Variants in GDAP1 observed in about 807,000 individuals in gnomAD.
The protein encoded by GDAP1 is ganglioside-induced differentiation-associated protein 1.
A neutral mutation model predicts 40.1 loss-of-function variants in GDAP1; 34 were observed. The ratio of observed to expected loss-of-function variants is 0.85; its 90% CI spans 0.64 to 1.13. GDAP1 has a LOEUF of 1.13. Ranked by LOEUF, GDAP1 falls within the 50% of genes most tolerant of loss-of-function variation. The probability of loss-of-function intolerance (pLI) is 0.00; values close to 1 mark genes in which losing one functional copy is unlikely to be tolerated. For synonymous variants in GDAP1, 170 were observed against 157.4 expected (o/e 1.08, Z -0.60); for missense variants, 374 against 433.7 (o/e 0.86, Z 1.22).
At chr8:74,474,609 A>G (rs1051524499) in intron 2 of GDAP1, among the ~76,000 whole-genome samples, 1 of 152,146 alleles carries the variant, frequency 6.6e-6, no homozygotes, top group South Asian at 2.1e-4. Context: ...TGATTTGTGT[A>G]TGTTGCACCA....
In GDAP1 at chr8:74,472,705, C is replaced by CTTTCTTTTCTTTTCT. The variant is rs142771587; in HGVS notation, c.166-15929_166-15915dup. ...AATGATCAGTGATATCGATATTGAGCTTTCTTTTCTTTTCTTTTCTTTTCT... is the reference window on the plus strand; with the variant it reads ...AATGATCAGTGATATCGATATTGAGCTTTCTTTTCTTTTCTTTTCTTTTCTTTTCTTTTCTTTTCT... On this transcript the variant is annotated intron_variant, in intron 2 of 2. Transcript: ENST00000523640. Among the ~76,000 whole-genome samples, 1,408 of 144,636 alleles carry CTTTCTTTTCTTTTCT rather than the reference C, an allele frequency of 9.7e-3. 31 individuals carry two copies. Among genetic ancestry groups the CTTTCTTTTCTTTTCT allele is most frequent in the South Asian group, 0.032 (138 of 4,376 alleles). 94.9% of individuals were successfully genotyped at this position (144,636 alleles called of 152,430 possible). A position where few individuals can be genotyped will look rare whatever the true frequency, so the allele number is the denominator to read the frequency against.
chr8:74,379,077 C>T (rs1372858371), intron 2 of GDAP1, among the ~76,000 whole-genome samples: 1 of 150,358 alleles, frequency 6.7e-6, no homozygotes, highest in Non-Finnish European at 1.5e-5. Context: ...GAGGCTGGAG[C>T]AATCTTCCAT....
In GDAP1 at chr8:74,365,870, CAT is replaced by C. The variant is rs780629815; in HGVS notation, c.*1504_*1505del. The C allele has an allele frequency of 4.8e-4, 218 of 454,320 alleles. 2 individuals carry two copies. The East Asian group carries it at 0.013, about 26-fold the overall frequency. 28.1% of individuals were successfully genotyped at this position (454,320 alleles called of 1,614,324 possible). A position where few individuals can be genotyped will look rare whatever the true frequency, so the allele number is the denominator to read the frequency against. ...GCTTTTATAACATTTAAAATTTGCA[CAT>C]GAGTGTGTTGTCATATGGAGTGTCT... On this transcript the variant is annotated 3_prime_UTR_variant, in exon 6 of 6. Transcript: ENST00000220822.
chr8:74,401,325 G>A (rs201446220), intron 2 of GDAP1, among the ~76,000 whole-genome samples: 9 of 149,288 alleles, frequency 6.0e-5, no homozygotes, highest in Non-Finnish European at 5.9e-5. Flanking sequence ...ACTGATACCC[G>A]TTCTTCCAGT....
intron 2 of GDAP1, among the ~76,000 whole-genome samples, chr8:74,482,813 T>C (rs1806728873): frequency 6.6e-6 from 1 of 152,216 alleles, no homozygotes; most frequent in Admixed American, 6.5e-5. Flanking sequence ...AATGATGTGA[T>C]TTTCATTACA....
intron 2 of GDAP1, among the ~76,000 whole-genome samples, chr8:74,444,314 T>C (rs535640481): frequency 2.0e-5 from 3 of 151,834 alleles, no homozygotes; most frequent in Non-Finnish European, 2.9e-5. Flanking sequence ...ACGTTAAACA[T>C]AGACTATGTG....
chr8:74,445,086 G>C (rs186682865), intron 2 of GDAP1, among the ~76,000 whole-genome samples: 1 of 152,246 alleles, frequency 6.6e-6, no homozygotes, highest in Admixed American at 6.5e-5. Flanking sequence ...CGTCCTAGTC[G>C]ACAAGCAAGT....
intron 2 of GDAP1, among the ~76,000 whole-genome samples, chr8:74,484,823 T>C (rs1459586570): frequency 6.6e-6 from 1 of 152,146 alleles, no homozygotes; most frequent in Admixed American, 6.6e-5. Context: ...AACCTAGTCA[T>C]CTTGATTCCT....
chr8:74,371,000 G>A (rs1290142893), downstream of GDAP1, among the ~76,000 whole-genome samples: 1 of 152,210 alleles, frequency 6.6e-6, no homozygotes, highest in East Asian at 1.9e-4. Context: ...GAAAATGTTA[G>A]TTGGAGATTT....
chr8:74,436,340 G>A (rs1173577083), intron 2 of GDAP1, among the ~76,000 whole-genome samples: 1 of 152,060 alleles, frequency 6.6e-6, no homozygotes, highest in Non-Finnish European at 1.5e-5. Context: ...TTTTGCAAAT[G>A]GTAGAGCTCT....
rs1470973100 is a variant in GDAP1 at position 74,452,054 on chromosome 8, A to G, written c.166-36624A>G. Among the ~76,000 whole-genome samples, 262 of 80,850 alleles carry G rather than the reference A, an allele frequency of 3.2e-3. 101 individuals are homozygous for G. The highest frequency in any genetic ancestry group is 0.014 in the African/African-American group (248 of 18,208). The allele number at this position is 80,850 out of a possible 152,430, so 53.0% of individuals were successfully genotyped here. ...AAGCTCTGCCTCCCGGGTTCACGCC[A>G]TTCTCCTGCCACAGCCTCCCAAGTA... On this transcript the variant is annotated intron_variant, in intron 2 of 2. Transcript: ENST00000523640.
intron 2 of GDAP1, among the ~76,000 whole-genome samples, chr8:74,479,675 T>G (rs1806681593): frequency 6.6e-6 from 1 of 152,242 alleles, no homozygotes; most frequent in Non-Finnish European, 1.5e-5. Flanking sequence ...CTAATCCTGC[T>G]AGGTTCTCGC....
At chr8:74,408,879 T>TTTGTTAG (rs1476574370) in intron 2 of GDAP1, among the ~76,000 whole-genome samples, 1 of 150,014 alleles carries the variant, frequency 6.7e-6, no homozygotes, top group Non-Finnish European at 1.5e-5. Context: ...GAGGAAGACA[T>TTTGTTAG]AGCCCAGGCT....
chr8:74,415,720 A>G (rs1386956710), intron 2 of GDAP1, among the ~76,000 whole-genome samples: 1 of 150,024 alleles, frequency 6.7e-6, no homozygotes, highest in African/African-American at 2.5e-5. Flanking sequence ...ATGCACTCCC[A>G]GTCTCCAGTG....
At chr8:74,464,335 T>A (rs570670781) in intron 2 of GDAP1, among the ~76,000 whole-genome samples, 2 of 152,316 alleles carry the variant, frequency 1.3e-5, no homozygotes, top group South Asian at 4.1e-4. Context: ...TGTAGCATTA[T>A]AGCAGAGGGA....
At position 74,357,651 on chromosome 8, in the gene GDAP1, G is replaced by A. The variant is rs553491809; in HGVS notation, c.311-2486G>A. On this transcript the variant is annotated intron_variant, in intron 2 of 5. Transcript: ENST00000220822. ...GTTCTTCCGGCAAGTCGGATCTTGTGCCAACTTATTTGTTCTTCTAGCTTA... is the reference window on the plus strand; with the variant it reads ...GTTCTTCCGGCAAGTCGGATCTTGTACCAACTTATTTGTTCTTCTAGCTTA... 3.3e-5 allele frequency among the ~76,000 whole-genome samples: 5 copies of A among 152,244 alleles called. No individual in the cohort carries two copies. The East Asian group carries it at 7.7e-4, about 24-fold the overall frequency.
At chr8:74,350,990 A>G (rs1808839422) in intron 1 of GDAP1, among the ~76,000 whole-genome samples, 1 of 151,830 alleles carries the variant, frequency 6.6e-6, no homozygotes, top group Admixed American at 6.6e-5. Flanking sequence ...TCTGGGGAGG[A>G]CCCATAATCA....
intron 2 of GDAP1, among the ~76,000 whole-genome samples, chr8:74,431,335 GATGCT>G (rs904407744): frequency 2.5e-4 from 38 of 152,096 alleles, no homozygotes; most frequent in African/African-American, 9.2e-4. Context: ...AAATGTAAAT[GATGCT>G]ATGTCTGGTT....
chr8:74,416,948 G>C (rs1169791813), intron 2 of GDAP1, among the ~76,000 whole-genome samples: 1 of 130,282 alleles, frequency 7.7e-6, no homozygotes, highest in Admixed American at 8.2e-5. Flanking sequence ...TTTTTTAACA[G>C]AGGCATAGTG....
Sources: allele counts gnomAD v4.1 joint callset (sites outside exome capture counted in the v4.1 genomes callset), GRCh38; gene constraint gnomAD v4.1.1; transcripts MANE v1.5; gene names NCBI Gene and HGNC (gene_info 2026-07-23, HGNC 2026-07-21).